The following PIK3C3 variants were observed in gnomAD, a reference collection of about 807,000 sequenced individuals.
The protein encoded by PIK3C3 is phosphatidylinositol 3-kinase catalytic subunit type 3.
PIK3C3 carries 95 observed loss-of-function variants against 126.1 expected under a neutral mutation model. The observed-to-expected ratio is 0.75, with a 90% CI of 0.64 to 0.89. The LOEUF (loss-of-function observed/expected upper bound fraction) is 0.89. Among genes scored for constraint, PIK3C3 ranks in the 40% least tolerant of loss-of-function variants. The pLI, the probability that PIK3C3 is intolerant of heterozygous loss-of-function variation, is 0.00. For missense variants in PIK3C3, 829 were observed against 1,063.2 expected (o/e 0.78, Z 3.06); for synonymous variants, 374 against 360.0 (o/e 1.04, Z -0.44).
intron 24 of PIK3C3, among the ~76,000 whole-genome samples, chr18:42,073,351 T>A (rs577242646): frequency 6.6e-6 from 1 of 152,304 alleles, no homozygotes; most frequent in South Asian, 2.1e-4. Context: ...CTGTGATATA[T>A]TTGGGTGGAT....
rs1440452878 is a variant in PIK3C3 at position 42,076,109 on chromosome 18, T to C, written c.2650-5014T>C. Among the ~76,000 whole-genome samples the C allele has an allele frequency of 1.3e-4, 10 of 78,930 alleles. 1 individual carries two copies. The highest frequency in any genetic ancestry group is 4.4e-4 in the African/African-American group (7 of 15,984). 51.8% of individuals were successfully genotyped at this position (78,930 alleles called of 152,430 possible). A position where few individuals can be genotyped will look rare whatever the true frequency, so the allele number is the denominator to read the frequency against. ...CCTTGCATATATATATATATATATATATATATATATATGCGCATATATATA... is the reference window on the plus strand; with the variant it reads ...CCTTGCATATATATATATATATATACATATATATATATGCGCATATATATA... On this transcript the variant is annotated intron_variant, in intron 24 of 24. Coordinates refer to ENST00000262039, the MANE Select transcript of PIK3C3 (RefSeq NM_002647.4).
At chr18:42,008,552 G>A (rs1411966209) in intron 10 of PIK3C3, among the ~76,000 whole-genome samples, 1 of 152,028 alleles carries the variant, frequency 6.6e-6, no homozygotes, top group Non-Finnish European at 1.5e-5. Context: ...TTTGATATGG[G>A]ACTTCACATT....
chr18:41,961,362 C>A (rs1372149003), intron 2 of PIK3C3, among the ~76,000 whole-genome samples: 2 of 152,100 alleles, frequency 1.3e-5, no homozygotes, highest in East Asian at 3.9e-4. Context: ...TACCATGTGG[C>A]TAGTAATTAG....
In PIK3C3 at chr18:41,996,623, CT is replaced by C. The variant is rs771112170; in HGVS notation, c.892-8del. 5.5e-5 allele frequency: 75 copies of C among 1,370,506 alleles called. 1 individual carries two copies. The South Asian group carries it at 9.0e-4, about 16-fold the overall frequency. The allele number at this position is 1,370,506 out of a possible 1,614,324, so 84.9% of individuals were successfully genotyped here. On this transcript the variant is annotated splice_polypyrimidine_tract_variant and intron_variant, in intron 8 of 24. Coordinates refer to ENST00000262039, the MANE Select transcript of PIK3C3 (RefSeq NM_002647.4). ...ATTGTTGACAAAATTAGTTCTTTTT[CT>C]TTTTTTGTTTTAGATTATTGTGAGT...
At chr18:42,007,009 G>C (rs945255831) in intron 10 of PIK3C3, among the ~76,000 whole-genome samples, 1 of 151,882 alleles carries the variant, frequency 6.6e-6, no homozygotes, top group Non-Finnish European at 1.5e-5. Flanking sequence ...GACTGCAGGT[G>C]CCCGCCACCA....
chr18:41,976,085 A>G (rs749691322), intron 4 of PIK3C3, among the ~76,000 whole-genome samples: 9 of 152,170 alleles, frequency 5.9e-5, no homozygotes, highest in Non-Finnish European at 1.0e-4. Context: ...AACGTTGACA[A>G]ATTATCACAA....
intron 4 of PIK3C3, among the ~76,000 whole-genome samples, chr18:41,976,106 A>G (rs916634428): frequency 3.3e-5 from 5 of 152,190 alleles, no homozygotes; most frequent in Admixed American, 2.0e-4. Flanking sequence ...TCCCAAAATA[A>G]TCCTTGAAAA....
Position 41,981,156 on chromosome 18 carries a change from C to T in PIK3C3, c.532-6656C>T, listed in dbSNP as rs147917259. Among the ~76,000 whole-genome samples the T allele has an allele frequency of 2.5e-3, 379 of 152,118 alleles. 1 individual carries two copies. Among genetic ancestry groups the T allele is most frequent in the African/African-American group, 8.5e-3 (352 of 41,500 alleles). On this transcript the variant is annotated intron_variant, in intron 4 of 24. Coordinates refer to ENST00000262039, the MANE Select transcript of PIK3C3 (RefSeq NM_002647.4). ...TTATAACAAGCGTTTGGGAATATCTCGTAAATTTATTTTTAATGCTACCTT... is the reference window on the plus strand; with the variant it reads ...TTATAACAAGCGTTTGGGAATATCTTGTAAATTTATTTTTAATGCTACCTT...
intron 5 of PIK3C3, among the ~76,000 whole-genome samples, chr18:41,989,720 T>A (rs1428398607): frequency 4.6e-5 from 7 of 152,190 alleles, no homozygotes; most frequent in Non-Finnish European, 8.8e-5. Flanking sequence ...CCATCTAGAT[T>A]TGTGTGTTTA....
At chr18:42,043,854 TAAAG>T (rs765096334) in intron 20 of PIK3C3, 37 bp downstream of exon 20, 3 of 1,393,868 alleles carry the variant, frequency 2.2e-6, no homozygotes, top group Non-Finnish European at 3.1e-6. Flanking sequence ...ATTGATCAGA[TAAAG>T]AAGAGCAGGC....
At chr18:42,072,452 T>C (rs1985813721) in intron 24 of PIK3C3, among the ~76,000 whole-genome samples, 2 of 152,220 alleles carry the variant, frequency 1.3e-5, no homozygotes, top group South Asian at 4.1e-4. Flanking sequence ...AACACCCACA[T>C]ATTAGTGATA....
chr18:41,969,143 A>G (rs183732125), intron 3 of PIK3C3, among the ~76,000 whole-genome samples: 122 of 151,674 alleles, frequency 8.0e-4, no homozygotes, highest in African/African-American at 2.6e-3. Flanking sequence ...TTTTTAAAGT[A>G]TTAAATGTGA....
Position 42,067,432 on chromosome 18 carries a change from G to A in PIK3C3, c.2568G>A (p.Val856=), listed in dbSNP as rs1254370248. 1 of 1,613,738 alleles carries A rather than the reference G, an allele frequency of 6.2e-7. No individual in the cohort carries two copies. Among genetic ancestry groups the A allele is most frequent in the Non-Finnish European group, 8.5e-7 (1 of 1,179,730 alleles). ...TAGACCTGTCGGATGAAGAGGCTGT[G>A]CATTACATGCAGAGTCTGATTGATG... is the stretch of plus-strand genomic sequence containing the variant. ...FRLDLSDEEA[V]HYMQSLIDES... Residue 856 remains valine (V), a synonymous_variant, in exon 24 of 25, where the codon GTG becomes GTA. Coordinates refer to ENST00000262039, the MANE Select transcript of PIK3C3 (RefSeq NM_002647.4).
chr18:42,031,036 T>A (rs758952758), intron 15 of PIK3C3, among the ~76,000 whole-genome samples: 16 of 152,226 alleles, frequency 1.1e-4, no homozygotes, highest in Non-Finnish European at 1.5e-4. Flanking sequence ...TAAAAATCTT[T>A]ATAGGCATTT....
intron 23 of PIK3C3, among the ~76,000 whole-genome samples, chr18:42,066,148 T>C (rs1231532237): frequency 1.3e-5 from 2 of 152,132 alleles, no homozygotes; most frequent in Non-Finnish European, 2.9e-5. Context: ...AGAGAGCTAG[T>C]TCATTGAAGA....
intron 10 of PIK3C3, among the ~76,000 whole-genome samples, chr18:42,007,948 A>G (rs1041691988): frequency 6.6e-6 from 1 of 152,076 alleles, no homozygotes; most frequent in African/African-American, 2.4e-5. Context: ...ATTTATGTTT[A>G]AAGTTTCTCC....
In PIK3C3 at chr18:42,027,474, A is replaced by G; in HGVS notation, c.1516A>G (p.Thr506Ala). 1 of 1,609,214 alleles carries G rather than the reference A, an allele frequency of 6.2e-7. No homozygotes were observed. Among genetic ancestry groups the G allele is most frequent in the African/African-American group, 1.3e-5 (1 of 74,890 alleles). ...YVIVECEDQD[T>A]QQRDPKTHEM... ...GATAGTGGAATGTGAAGATCAAGAT[A>G]CTCAGCAGAGAGATCCAAAGACCCA... The change falls in exon 14 of 25, where the codon ACT (threonine) becomes GCT (alanine). Residue 506 changes from threonine to alanine, a missense_variant. By Grantham distance (58) the Thr-to-Ala change is moderately conservative. Transcript: ENST00000262039.
At chr18:42,002,412 A>G (rs1351263913) in intron 9 of PIK3C3, among the ~76,000 whole-genome samples, 4 of 152,194 alleles carry the variant, frequency 2.6e-5, no homozygotes, top group Non-Finnish European at 4.4e-5. Flanking sequence ...ATCTAGTTGA[A>G]ACCACTTTGT....
chr18:41,981,503 C>T (rs1365838957), intron 4 of PIK3C3, among the ~76,000 whole-genome samples: 1 of 152,172 alleles, frequency 6.6e-6, no homozygotes. Context: ...ACCAAGACTT[C>T]ATTAATCAGG....
Sources: allele counts gnomAD v4.1 joint callset (sites outside exome capture counted in the v4.1 genomes callset), GRCh38; gene constraint gnomAD v4.1.1; transcripts MANE v1.5; gene names NCBI Gene and HGNC (gene_info 2026-07-23, HGNC 2026-07-21).